The following FHIP1B variants were observed in gnomAD, a reference collection of about 807,000 sequenced individuals.
FHIP1B encodes FHF complex subunit HOOK interacting protein 1B.
FHIP1B carries 28 observed loss-of-function variants against 82.2 expected under a neutral mutation model. That is an observed-to-expected ratio of 0.34 (90% CI 0.25 to 0.47). The LOEUF (loss-of-function observed/expected upper bound fraction) is 0.47. Among genes scored for constraint, FHIP1B ranks in the 20% least tolerant of loss-of-function variants. The pLI is 1.00. For synonymous variants in FHIP1B, 585 were observed against 516.1 expected (o/e 1.13, Z -1.81); for missense variants, 1,110 against 1,262.6 (o/e 0.88, Z 1.83).
chr11:6,231,207 A>T (rs1201374170), intron 1 of FHIP1B, among the ~76,000 whole-genome samples: 1 of 152,230 alleles, frequency 6.6e-6, no homozygotes, highest in African/African-American at 2.4e-5. Context: ...AGCGAAATGT[A>T]TTAAGATTCT....
At position 6,218,166 on chromosome 11, in the gene FHIP1B, AT is replaced by A. The variant is rs780121887; in HGVS notation, c.1436-17del. ...CTTCCAGGACCTGCAAAGGGAAAAA[AT>A]ATAAGAGAAATCAAGGAGACAGAGG... On this transcript the variant is annotated splice_polypyrimidine_tract_variant and intron_variant, in intron 8 of 11. Coordinates refer to ENST00000449352, the MANE Select transcript of FHIP1B (RefSeq NM_001098794.2). The A allele has an allele frequency of 6.2e-7, 1 of 1,600,998 alleles. No individual in the cohort carries two copies. Among genetic ancestry groups the A allele is most frequent in the South Asian group, 1.1e-5 (1 of 89,390 alleles).
Position 6,217,672 on chromosome 11 carries a change from C to CACTCCATTG in FHIP1B, c.1905_1913dup (p.Asn636_Val638dup). 6.2e-7 allele frequency: 1 copy of CACTCCATTG among 1,613,940 alleles called. No individual in the cohort carries two copies. Among genetic ancestry groups the CACTCCATTG allele is most frequent in the Non-Finnish European group, 8.5e-7 (1 of 1,179,972 alleles). On this transcript the variant is annotated inframe_insertion, in exon 9 of 12. Coordinates refer to ENST00000449352, the MANE Select transcript of FHIP1B (RefSeq NM_001098794.2). ...TGGCCCCCTCAGGCCATGATCCTGG[C>CACTCCATTG]ACTCCATTGAGCTGGGGAGGGGGCA...
chr11:6,216,964 A>G, intron 9 of FHIP1B: 1 of 643,310 alleles, frequency 1.6e-6, no homozygotes, highest in Non-Finnish European at 2.8e-6. Context: ...ACGGAATGGC[A>G]TAGAGAGTGT....
In FHIP1B at chr11:6,224,462, T is replaced by C; in HGVS notation, c.55A>G (p.Ile19Val). The stretch of plus-strand genomic sequence containing the variant: ...GTTTGGAGATTGGCCCCTTGAGGTA[T>C]ACGGTGCCCAGGGCCCCGGGAGGCC... ...RLASRGPGHR[I>V]PQGANLQTPV... Residue 19 changes from isoleucine (I) to valine (V), a missense_variant, in exon 2 of 12, where the codon ATA becomes GTA. Transcript: ENST00000449352. The C allele has an allele frequency of 3.7e-6, 6 of 1,613,850 alleles. No individual in the cohort carries two copies. Among genetic ancestry groups the C allele is most frequent in the Non-Finnish European group, 4.2e-6 (5 of 1,179,914 alleles).
chr11:6,222,385 G>T, intron 6 of FHIP1B, 57 bp downstream of exon 6: 1 of 1,590,254 alleles, frequency 6.3e-7, no homozygotes, highest in Non-Finnish European at 8.6e-7. Flanking sequence ...CCAGAACAAA[G>T]GTCAGAGAAA....
In FHIP1B at chr11:6,233,181, G is replaced by A. The variant is rs575522630; in HGVS notation, c.-192+1363C>T. 2.4e-4 allele frequency among the ~76,000 whole-genome samples: 37 copies of A among 152,350 alleles called. No individual in the cohort carries two copies. In the South Asian group the frequency reaches 7.5e-3, roughly 31 times the overall value. The stretch of plus-strand genomic sequence containing the variant: ...ACCACAGGATATAGGAGTTGGCTCT[G>A]AAGCTAAGACTCTGGAAAAGAATGG... On this transcript the variant is annotated intron_variant, in intron 1 of 11. Coordinates refer to ENST00000449352, the MANE Select transcript of FHIP1B (RefSeq NM_001098794.2).
Position 6,217,774 on chromosome 11 carries a change from G to T in FHIP1B, c.1812C>A (p.Asn604Lys). The change falls in exon 9 of 12, where the codon AAC becomes AAA. Residue 604 changes from asparagine (N) to lysine (K), a missense_variant. Asn to Lys is a moderately conservative substitution (Grantham distance 94, BLOSUM62 0). Around this residue, in one of 6 missense-constraint regions of FHIP1B, gnomAD observed 418 missense variants for 371.4 expected, o/e 1.13. Transcript: ENST00000449352. ...KRSLLPEEDR[N>K]NVGEGEEEEL... ...CTTCCTCCTCCCCTTCCCCCACGTTGTTCCTGTCCTCCTCAGGCAGTAGGC... is the reference window on the plus strand; with the variant it reads ...CTTCCTCCTCCCCTTCCCCCACGTTTTTCCTGTCCTCCTCAGGCAGTAGGC... The T allele has an allele frequency of 6.3e-7, 1 of 1,581,514 alleles. No individual in the cohort carries two copies. Among genetic ancestry groups the T allele is most frequent in the Non-Finnish European group, 8.6e-7 (1 of 1,160,988 alleles).
intron 1 of FHIP1B, among the ~76,000 whole-genome samples, chr11:6,233,037 G>C (rs1324074013): frequency 2.6e-5 from 4 of 152,196 alleles, no homozygotes; most frequent in African/African-American, 9.7e-5. Context: ...CCTTGGTCCA[G>C]TGTTTAGGAA....
rs1847721456 is a variant in FHIP1B, at chr11:6,232,399, A to G, written c.-192+2145T>C. ...AGCATTAAACATAACCTTCATCCCT[A>G]TGTCACTCTCACAGTCCCTTTTCTG... On this transcript the variant is annotated intron_variant, in intron 1 of 11. Coordinates refer to ENST00000449352, the MANE Select transcript of FHIP1B (RefSeq NM_001098794.2). Among the ~76,000 whole-genome samples, 3 of 152,188 alleles carry G rather than the reference A, an allele frequency of 2.0e-5. No individual in the cohort carries two copies. The South Asian group carries it at 6.2e-4, about 32-fold the overall frequency.
intron 11 of FHIP1B, among the ~76,000 whole-genome samples, chr11:6,213,458 A>G (rs4758399): frequency 0.64 from 97,872 of 152,078 alleles, 34,887 homozygotes; most frequent in East Asian, 0.95. Flanking sequence ...TATTGCTCTC[A>G]ATCCCATTAC....
At position 6,218,017 on chromosome 11, in the gene FHIP1B, T is replaced by C; in HGVS notation, c.1569A>G (p.Ser523=). 1 of 1,613,392 alleles carries C rather than the reference T, an allele frequency of 6.2e-7. No individual in the cohort carries two copies. ...AGGCGGGGGATGCAGAAAGCCCTGG[T>C]GAGCAAGGGGCTGGGCCTGGAGACT... ...GSESPGPAPC[S]PGLSASPASS... The change falls in exon 9 of 12, where the codon TCA becomes TCG. Residue 523 remains serine (S), a synonymous_variant. Coordinates refer to ENST00000449352, the MANE Select transcript of FHIP1B (RefSeq NM_001098794.2).
intron 8 of FHIP1B, 75 bp from the exon 9 acceptor site, chr11:6,218,225 TAAGA>T (rs947517545): frequency 1.3e-6 from 2 of 1,494,922 alleles, no homozygotes; most frequent in Non-Finnish European, 1.8e-6. Context: ...CTCGGGAGAC[TAAGA>T]AAGAAGACAA....
At chr11:6,230,820 G>C (rs1847678515) in intron 1 of FHIP1B, among the ~76,000 whole-genome samples, 1 of 152,242 alleles carries the variant, frequency 6.6e-6, no homozygotes, top group Non-Finnish European at 1.5e-5. Flanking sequence ...TCCTAGTAGA[G>C]GAAGCAGCTA....
chr11:6,233,401 C>T (rs1307195137), intron 1 of FHIP1B, among the ~76,000 whole-genome samples: 2 of 152,098 alleles, frequency 1.3e-5, no homozygotes, highest in Non-Finnish European at 2.9e-5. Context: ...CAGAATTTCA[C>T]GTGCATTTGG....
intron 1 of FHIP1B, among the ~76,000 whole-genome samples, chr11:6,228,901 T>C (rs1847630548): frequency 6.6e-6 from 1 of 152,202 alleles, no homozygotes; most frequent in Non-Finnish European, 1.5e-5. Context: ...AAGTCAACGG[T>C]TGAGAAAAGT....
At position 6,223,688 on chromosome 11, in the gene FHIP1B, G is replaced by A. The variant is rs1432234996; in HGVS notation, c.699C>T (p.Ala233=). 5 of 1,613,994 alleles carry A rather than the reference G, an allele frequency of 3.1e-6. No individual in the cohort carries two copies. In the South Asian group the frequency reaches 5.5e-5, roughly 18 times the overall value. The change falls in exon 3 of 12, where the codon GCC becomes GCT. Residue 233 remains alanine, a synonymous_variant. Coordinates refer to ENST00000449352, the MANE Select transcript of FHIP1B (RefSeq NM_001098794.2). The surrounding 1 kb of genome is among the most constrained non-coding windows in gnomAD (Gnocchi z 4.8). ...CTGACAAAGCCATGAGAAGAAGTAGGGCATCACGGGCCTGCTGGCCCAGGG... is the reference window on the plus strand; with the variant it reads ...CTGACAAAGCCATGAGAAGAAGTAGAGCATCACGGGCCTGCTGGCCCAGGG... The part of the protein sequence containing the change: ...EGTLGQQARD[A]LLLLMALSAG...
chr11:6,234,016 G>A (rs7121673), intron 1 of FHIP1B, among the ~76,000 whole-genome samples: 1 of 152,126 alleles, frequency 6.6e-6, no homozygotes, highest in Admixed American at 6.5e-5. Flanking sequence ...GAGGAGTCAG[G>A]TGCACAACAC....
chr11:6,213,220 G>A (rs1187298816), intron 11 of FHIP1B, among the ~76,000 whole-genome samples: 3 of 152,134 alleles, frequency 2.0e-5, no homozygotes, highest in Non-Finnish European at 2.9e-5. Context: ...AACTTTTATG[G>A]TACTCTCTTC....
At position 6,223,902 on chromosome 11, in the gene FHIP1B, C is replaced by A. The variant is rs1847488071; in HGVS notation, c.485G>T (p.Cys162Phe). 6.2e-7 allele frequency: 1 copy of A among 1,614,086 alleles called. No homozygotes were observed. Residue 162 changes from cysteine to phenylalanine, a missense_variant, in exon 3 of 12, where the codon TGT becomes TTT. By Grantham distance (205) the Cys-to-Phe change is radical. Coordinates refer to ENST00000449352, the MANE Select transcript of FHIP1B (RefSeq NM_001098794.2). The surrounding 1 kb of genome is among the most constrained non-coding windows in gnomAD (Gnocchi z 4.8). ...TGGGCTACTGGGCACAGGGCGGCCA[C>A]AGGCATCCAGCAGGGTGAGCAGAGC... is the stretch of plus-strand genomic sequence containing the variant. ...REALLTLLDA[C>F]GRPVPSSPAL...
Sources: allele counts gnomAD v4.1 joint callset (sites outside exome capture counted in the v4.1 genomes callset), GRCh38; gene constraint gnomAD v4.1.1; regional missense constraint gnomAD v4.1.1; non-coding constraint Gnocchi (gnomAD v3.1); transcripts MANE v1.5; gene names NCBI Gene and HGNC (gene_info 2026-07-23, HGNC 2026-07-21).